SURF4: variants seen among roughly 807,000 people sequenced by gnomAD.
SURF4 encodes the protein surfeit 4, also known as surfeit locus protein 4.
A neutral mutation model predicts 30.0 loss-of-function variants in SURF4; 3 were observed. The observed-to-expected ratio is 0.10, with a 90% confidence interval of 0.05 to 0.26. The LOEUF (loss-of-function observed/expected upper bound fraction) is 0.26. Ranked by LOEUF, SURF4 falls within the 10% of genes least tolerant of loss-of-function variation. SURF4 has a pLI of 1.00. For missense variants in SURF4, 217 were observed against 350.8 expected (o/e 0.62, Z 3.05); for synonymous variants, 143 against 139.9 (o/e 1.02, Z -0.16).
chr9:133,367,488 G>C (rs587698508), intron 1 of SURF4, 43 bp from the exon 2 acceptor site: 1 of 1,607,290 alleles, frequency 6.2e-7, no homozygotes, highest in Non-Finnish European at 8.5e-7. Context: ...GCTGCGGCGG[G>C]GAGCACCAGG....
At chr9:133,373,353 C>T (rs1837618315) in intron 1 of SURF4, among the ~76,000 whole-genome samples, 1 of 152,166 alleles carries the variant, frequency 6.6e-6, no homozygotes, top group Non-Finnish European at 1.5e-5. Flanking sequence ...AATCCCAGAA[C>T]TTTAGGAGGC....
intron 1 of SURF4, among the ~76,000 whole-genome samples, chr9:133,373,022 A>G (rs911640082): frequency 2.6e-5 from 4 of 152,076 alleles, no homozygotes; most frequent in African/African-American, 4.8e-5. Context: ...TGCCTTACAG[A>G]TATGGTGCCT....
rs1294805291 is a variant in SURF4 at position 133,363,448 on chromosome 9, T to C, written c.*45A>G. On this transcript the variant is annotated 3_prime_UTR_variant, in exon 6 of 6. Coordinates refer to ENST00000371989, the MANE Select transcript of SURF4 (RefSeq NM_033161.4). This position sits in a 1 kb window ranked among gnomAD's most constrained non-coding sequence, Gnocchi z 4.3. ...TGTTGAATCCACCCCGAACCAGTCCTTGACGGCCACGGGTCTTAGCCAGGC... is the reference window on the plus strand; with the variant it reads ...TGTTGAATCCACCCCGAACCAGTCCCTGACGGCCACGGGTCTTAGCCAGGC... The C allele has an allele frequency of 1.2e-6, 2 of 1,614,196 alleles. No individual in the cohort carries two copies.
At chr9:133,376,755 C>T (rs2130251213), upstream of SURF4, among the ~76,000 whole-genome samples, 3 of 152,324 alleles carry the variant, frequency 2.0e-5, no homozygotes, top group East Asian at 3.9e-4. Flanking sequence ...CAGTTTCCCC[C>T]TTTGTGAATT....
intron 4 of SURF4, among the ~76,000 whole-genome samples, chr9:133,365,244 G>C (rs2130115431): frequency 6.6e-6 from 1 of 152,144 alleles, no homozygotes; most frequent in African/African-American, 2.4e-5. Context: ...GGAGACAGAG[G>C]TATCTTTACA....
upstream of SURF4, chr9:133,376,323 C>T (rs1437963513): frequency 3.7e-6 from 5 of 1,360,740 alleles, no homozygotes; most frequent in African/African-American, 4.6e-5. Flanking sequence ...TTTAAGGGGG[C>T]GGGGACCTGG....
intron 1 of SURF4, chr9:133,372,528 A>G (rs960561532): frequency 1.1e-6 from 1 of 919,858 alleles, no homozygotes; most frequent in African/African-American, 1.8e-5. Context: ...GCCCAGTGAA[A>G]GACTTAATGT....
chr9:133,373,969 C>CT (rs2130218279), intron 1 of SURF4, among the ~76,000 whole-genome samples: 4 of 137,268 alleles, frequency 2.9e-5, no homozygotes, highest in Admixed American at 7.3e-5. Context: ...ACACTGGGAA[C>CT]TTTTTTTTGT....
At chr9:133,366,091 TC>T (rs1837154791) in intron 3 of SURF4, 63 bp from the exon 4 acceptor site, 1 of 1,502,936 alleles carries the variant, frequency 6.7e-7, no homozygotes, top group African/African-American at 1.4e-5. Context: ...TCCACAGACT[TC>T]ATAATACATT....
In SURF4 at chr9:133,362,910, A is replaced by G. The variant is rs2130080155; in HGVS notation, c.*583T>C. On this transcript the variant is annotated 3_prime_UTR_variant, in exon 6 of 6. Coordinates refer to ENST00000371989, the MANE Select transcript of SURF4 (RefSeq NM_033161.4). Reference sequence around the variant, plus strand: ...TTTATCATAAACAGCAGCTTCTACCACCCCTTTAATACTGCATCATTCTTT... The same window carrying G: ...TTTATCATAAACAGCAGCTTCTACCGCCCCTTTAATACTGCATCATTCTTT... 9,132 of 160,628 alleles carry G rather than the reference A, an allele frequency of 0.057. 876 individuals are homozygous for G. The highest frequency in any genetic ancestry group is 0.2 in the African/African-American group (8,355 of 41,492). The allele number at this position is 160,628 out of a possible 1,614,324, so 10.0% of individuals were successfully genotyped here.
chr9:133,376,629 C>T (rs1837965582), upstream of SURF4: 1 of 1,390,566 alleles, frequency 7.2e-7, no homozygotes, highest in Admixed American at 2.9e-5. Context: ...GAGCTACGGC[C>T]GGCGGTTCCG....
intron 1 of SURF4, chr9:133,372,610 C>T: frequency 1.0e-6 from 1 of 985,476 alleles, no homozygotes; most frequent in Non-Finnish European, 1.2e-6. Flanking sequence ...CAGCAGCCCA[C>T]ACTTTCTGGT....
At chr9:133,376,096 C>G, upstream of SURF4, 1 of 1,203,908 alleles carries the variant, frequency 8.3e-7, no homozygotes, top group Non-Finnish European at 1.0e-6. Context: ...TCGGCTGCGG[C>G]TCCAGCGGCT....
At chr9:133,374,033 G>A (rs900744385) in intron 1 of SURF4, among the ~76,000 whole-genome samples, 4 of 151,314 alleles carry the variant, frequency 2.6e-5, no homozygotes, top group African/African-American at 9.7e-5. Flanking sequence ...GGAGACATTT[G>A]ATCTAGATTT....
intron 1 of SURF4, chr9:133,367,674 A>T (rs1837259880): frequency 8.0e-7 from 1 of 1,249,560 alleles, no homozygotes; most frequent in Non-Finnish European, 1.1e-6. Flanking sequence ...AGTCCCGGAG[A>T]TGCATGACTT....
At chr9:133,371,621 G>A (rs1381152746) in intron 1 of SURF4, among the ~76,000 whole-genome samples, 8 of 152,180 alleles carry the variant, frequency 5.3e-5, no homozygotes, top group Non-Finnish European at 1.2e-4. Context: ...TTAACCTCCC[G>A]TTAAGATCAT....
rs71824689 is a variant in SURF4, at chr9:133,373,909, CAAAAAA to C, written c.48+2007_48+2012del. ...CTCCAGCCTGAGCGAAATTCTGTCT[CAAAAAA>C]AAAAAAAAAAAAAAAAAAAAGAAGA... On this transcript the variant is annotated intron_variant, in intron 1 of 5. Transcript: ENST00000371989. Among the ~76,000 whole-genome samples, 433 of 47,544 alleles carry C rather than the reference CAAAAAA, an allele frequency of 9.1e-3. 1 individual carries two copies. Among genetic ancestry groups the C allele is most frequent in the East Asian group, 0.029 (45 of 1,562 alleles). 31.2% of individuals were successfully genotyped at this position (47,544 alleles called of 152,430 possible).
At chr9:133,377,685 A>T (rs1432865260), upstream of SURF4, among the ~76,000 whole-genome samples, 1 of 152,104 alleles carries the variant, frequency 6.6e-6, no homozygotes, top group Non-Finnish European at 1.5e-5. Flanking sequence ...AAAAAATAGC[A>T]GTCCCCAACC....
chr9:133,364,986 C>T lies in SURF4; in HGVS notation c.397G>A (p.Glu133Lys). 1 of 1,602,408 alleles carries T rather than the reference C, an allele frequency of 6.2e-7. No homozygotes were observed. The highest frequency in any genetic ancestry group is 8.5e-7 in the Non-Finnish European group (1 of 1,173,490). ...LGGGLLLLLA[E>K]SRSEGKSMFA... is the part of the protein sequence containing the mutation. Reference sequence around the variant, plus strand: ...ATGCTCTTCCCTTCAGAACGGGATTCTGCTAGGAGCAGCAACAGGCCTCCT... The same window carrying T: ...ATGCTCTTCCCTTCAGAACGGGATTTTGCTAGGAGCAGCAACAGGCCTCCT... Residue 133 changes from glutamate (E) to lysine (K), a missense_variant, in exon 5 of 6, where the codon GAA (glutamate) becomes AAA (lysine). Physicochemically the swap from Glu to Lys is moderately conservative, Grantham distance 56. Transcript: ENST00000371989.
Sources: gnomAD v4.1 joint callset for allele counts (sites outside exome capture counted in the v4.1 genomes callset) on GRCh38, gnomAD v4.1.1 for gene constraint, Gnocchi (gnomAD v3.1) non-coding constraint, MANE v1.5 for transcripts, NCBI Gene and HGNC (gene_info 2026-07-23, HGNC 2026-07-21) for gene names.